MAP4: variants seen among roughly 807,000 people sequenced by gnomAD.
MAP4 encodes the protein microtubule-associated protein 4.
Under a neutral mutation model 170.2 loss-of-function variants are expected in MAP4, and 76 were observed. The ratio of observed to expected loss-of-function variants is 0.45; its 90% CI spans 0.37 to 0.54. The LOEUF (loss-of-function observed/expected upper bound fraction) is 0.54, where lower values mean the gene tolerates loss of function less well. Ranked by LOEUF, MAP4 falls within the 20% of genes least tolerant of loss-of-function variation. The probability of loss-of-function intolerance (pLI) is 0.00; values close to 1 mark genes in which losing one functional copy is unlikely to be tolerated. For synonymous variants in MAP4, 909 were observed against 994.5 expected (o/e 0.91, Z 1.62); for missense variants, 2,506 against 2,748.0 (o/e 0.91, Z 1.97).
chr3:47,889,008 C>T (rs896375843), intron 10 of MAP4, among the ~76,000 whole-genome samples: 5 of 152,176 alleles, frequency 3.3e-5, no homozygotes, highest in African/African-American at 4.8e-5. Flanking sequence ...CATGCAACAT[C>T]GGAACCCTGA....
intron 15 of MAP4, 132 bp downstream of exon 15, chr3:47,870,681 G>A (rs769877712): frequency 5.3e-6 from 5 of 939,008 alleles, no homozygotes; most frequent in African/African-American, 3.3e-5. Flanking sequence ...ACAGAGCCCC[G>A]GCTGAAATAC....
intron 6 of MAP4, among the ~76,000 whole-genome samples, chr3:47,917,880 C>T (rs1383875929): frequency 3.3e-5 from 5 of 152,176 alleles, no homozygotes; most frequent in Admixed American, 6.5e-5. Context: ...CACGGTCTCA[C>T]GCTGTTGCCC....
chr3:47,878,502 C>T (rs2095976826), intron 10 of MAP4, among the ~76,000 whole-genome samples: 1 of 152,024 alleles, frequency 6.6e-6, no homozygotes. Flanking sequence ...AAAAGATGTA[C>T]AATGTTAAGT....
intron 12 of MAP4, among the ~76,000 whole-genome samples, chr3:47,872,840 A>G (rs1344279367): frequency 6.6e-6 from 1 of 152,242 alleles, no homozygotes; most frequent in Non-Finnish European, 1.5e-5. Flanking sequence ...AATGTATTAT[A>G]CTTGACCAAA....
At chr3:48,069,209 G>A (rs1329672956) in intron 1 of MAP4, among the ~76,000 whole-genome samples, 1 of 152,126 alleles carries the variant, frequency 6.6e-6, no homozygotes, top group Non-Finnish European at 1.5e-5. Flanking sequence ...GAAACTTACA[G>A]GGAATGTAAT....
At position 48,033,789 on chromosome 3, in the gene MAP4, C is replaced by T. The variant is rs117416928; in HGVS notation, c.-19-34910G>A. Among the ~76,000 whole-genome samples the T allele has an allele frequency of 1.4e-4, 22 of 152,020 alleles. No homozygotes were observed. In the East Asian group the frequency reaches 3.7e-3, roughly 25 times the overall value. On this transcript the variant is annotated intron_variant, in intron 1 of 18. Coordinates refer to the MAP4 transcript ENST00000360240. ...CTAGTTTTTGTATTTTTAGTAAAGA[C>T]GGATTTTTTCACTATGTTGGCCAGG...
chr3:47,909,191 T>G lies in MAP4; in HGVS notation c.5230A>C (p.Lys1744Gln). 6.2e-7 allele frequency: 1 copy of G among 1,614,014 alleles called. No individual in the cohort carries two copies. The highest frequency in any genetic ancestry group is 8.5e-7 in the Non-Finnish European group (1 of 1,179,908). The change falls in exon 9 of 21, where the codon AAG (lysine) becomes CAG (glutamine). Residue 1744 changes from lysine (K) to glutamine (Q), a missense_variant. Around this residue, in one of 3 missense-constraint regions of MAP4, gnomAD observed 2,008 missense variants for 2,206.0 expected, o/e 0.91. Transcript: ENST00000683076. ...TCCTTTTTCCCTTCTCCTGGTGTCT[T>G]TGATTCAGATTTTTCTGTCATTTTC... The part of the protein sequence containing the change: ...PQKMTEKSES[K>Q]TPGEGKKEDK...
chr3:47,892,140 C>T lies in MAP4; in HGVS notation c.5434+10810G>A, dbSNP rs9836027. On this transcript the variant is annotated intron_variant, in intron 10 of 20. Transcript: ENST00000683076. Reference sequence around the variant, plus strand: ...GTCTTCTGGTGTACCGAGTTCCCCTCCAAGGGATGGCAGGTCTCTGAAATC... The same window carrying T: ...GTCTTCTGGTGTACCGAGTTCCCCTTCAAGGGATGGCAGGTCTCTGAAATC... The T allele has an allele frequency of 8.8e-3, 13,485 of 1,536,078 alleles. 886 individuals are homozygous for T. The African/African-American group carries it at 0.15, about 17-fold the overall frequency.
intron 1 of MAP4, among the ~76,000 whole-genome samples, chr3:48,046,391 T>G (rs954113766): frequency 2.6e-5 from 4 of 152,206 alleles, no homozygotes; most frequent in Admixed American, 6.5e-5. Context: ...TTAAACCATG[T>G]TATTAGGGAA....
intron 4 of MAP4, among the ~76,000 whole-genome samples, chr3:47,925,489 C>CA (rs1212869297): frequency 2.0e-5 from 3 of 151,450 alleles, no homozygotes; most frequent in Non-Finnish European, 2.9e-5. Flanking sequence ...GATTCTGTCT[C>CA]AAAAAAATAA....
At chr3:47,936,226 A>G (rs1224476842) in intron 3 of MAP4, among the ~76,000 whole-genome samples, 1 of 151,818 alleles carries the variant, frequency 6.6e-6, no homozygotes, top group Middle Eastern at 3.2e-3. Context: ...TTGAGGCCAG[A>G]AGTTTGGCAC....
intron 2 of MAP4, among the ~76,000 whole-genome samples, chr3:47,979,713 G>A (rs550676261): frequency 2.0e-5 from 3 of 152,194 alleles, no homozygotes; most frequent in Admixed American, 6.5e-5. Context: ...CGCCTGCTTC[G>A]GCCTCCCAAA....
At chr3:48,046,175 GT>G (rs1431348913) in intron 1 of MAP4, among the ~76,000 whole-genome samples, 1 of 151,508 alleles carries the variant, frequency 6.6e-6, no homozygotes, top group East Asian at 1.9e-4. Context: ...TTACTTTTTG[GT>G]TTTTTCCTGA....
chr3:48,053,381 T>A (rs1446131486), intron 1 of MAP4, among the ~76,000 whole-genome samples: 1 of 152,158 alleles, frequency 6.6e-6, no homozygotes. Flanking sequence ...ACACTGCTAG[T>A]ATCTCCTATT....
In MAP4 at chr3:47,946,654, CAAAAAAAAAA is replaced by C. The variant is rs11427271; in HGVS notation, c.293-18314_293-18305del. Among the ~76,000 whole-genome samples, 8 of 40,820 alleles carry C rather than the reference CAAAAAAAAAA, an allele frequency of 2.0e-4. No homozygotes were observed. In the South Asian group the frequency reaches 4.3e-3, roughly 22 times the overall value. The allele number at this position is 40,820 out of a possible 152,430, so 26.8% of individuals were successfully genotyped here. On this transcript the variant is annotated intron_variant, in intron 3 of 20. Coordinates refer to ENST00000683076, the MANE Select transcript of MAP4 (RefSeq NM_001385682.1). Reference sequence around the variant, plus strand: ...GGGTGACAAAGGTGAAACTCCGTCTCAAAAAAAAAAAAAAAAAAAAAAAAAGAAGCAACTA... The same window carrying C: ...GGGTGACAAAGGTGAAACTCCGTCTCAAAAAAAAAAAAAAAGAAGCAACTA...
intron 1 of MAP4, among the ~76,000 whole-genome samples, chr3:48,074,258 T>C (rs1259483362): frequency 1.6e-5 from 2 of 127,918 alleles, no homozygotes; most frequent in Non-Finnish European, 3.1e-5. Context: ...AATTGAACAA[T>C]GAGAACACCT....
chr3:47,990,666 T>A (rs1406935348), intron 2 of MAP4, among the ~76,000 whole-genome samples: 2 of 152,164 alleles, frequency 1.3e-5, no homozygotes, highest in East Asian at 3.8e-4. Flanking sequence ...TGCTAGATGA[T>A]CATCTGAAAG....
chr3:48,019,532 A>C (rs904679831), upstream of MAP4, among the ~76,000 whole-genome samples: 1 of 152,148 alleles, frequency 6.6e-6, no homozygotes, highest in African/African-American at 2.4e-5. Context: ...ATTGGAAGAA[A>C]GGAAGAATAT....
At chr3:47,906,365 G>T (rs914876211) in intron 9 of MAP4, among the ~76,000 whole-genome samples, 3 of 151,940 alleles carry the variant, frequency 2.0e-5, no homozygotes, top group African/African-American at 4.8e-5. Context: ...AAAAAAGTTG[G>T]GAAACACCTA....
Sources: allele counts gnomAD v4.1 joint callset (sites outside exome capture counted in the v4.1 genomes callset), GRCh38; gene constraint gnomAD v4.1.1; regional missense constraint gnomAD v4.1.1; transcripts MANE v1.5; gene names NCBI Gene and HGNC (gene_info 2026-07-23, HGNC 2026-07-21).